MOGAT1: variants seen among roughly 807,000 people sequenced by gnomAD.
MOGAT1 encodes the protein monoacylglycerol O-acyltransferase 1, also known as 2-acylglycerol O-acyltransferase 1.
A neutral mutation model predicts 31.4 loss-of-function variants in MOGAT1; 32 were observed. The observed-to-expected ratio is 1.02, with a 90% CI of 0.77 to 1.37. The LOEUF (loss-of-function observed/expected upper bound fraction) is 1.37, where lower values mean the gene tolerates loss of function less well. Ranked by LOEUF, MOGAT1 falls within the 40% of genes most tolerant of loss-of-function variation. MOGAT1 has a pLI of 0.00. For missense variants in MOGAT1, 426 were observed against 402.0 expected, an observed-to-expected ratio of 1.06 and a Z score of -0.51; for synonymous variants, 145 against 144.5, an observed-to-expected ratio of 1.00 and a Z score of -0.03.
At chr2:222,698,247 T>C (rs1052607129) in intron 5 of MOGAT1, among the ~76,000 whole-genome samples, 3 of 152,230 alleles carry the variant, frequency 2.0e-5, no homozygotes, top group African/African-American at 7.2e-5. Flanking sequence ...AAGATGTTAC[T>C]TCCATGTATT....
chr2:222,709,070 A>G (rs761026465), intron 5 of MOGAT1, among the ~76,000 whole-genome samples: 20 of 152,274 alleles, frequency 1.3e-4, no homozygotes, highest in South Asian at 1.0e-3. Flanking sequence ...GGGCCTGGCC[A>G]GTCGCTCACC....
rs756626844 is a variant in MOGAT1 at position 222,695,040 on chromosome 2, T to C, written c.654-49T>C. 9.1e-6 allele frequency: 13 copies of C among 1,422,166 alleles called. No homozygotes were observed. In the African/African-American group the frequency reaches 1.6e-4, roughly 17 times the overall value. 88.1% of individuals were successfully genotyped at this position (1,422,166 alleles called of 1,614,324 possible). On this transcript the variant is annotated intron_variant, in intron 4 of 5. Transcript: ENST00000446656. ...GAGTCAGCTAAACAGAATAAATTAT[T>C]TGAATCCTTTTCATTGAAAATTCTC...
chr2:222,682,871 A>T (rs1300552249), intron 1 of MOGAT1, among the ~76,000 whole-genome samples: 1 of 152,240 alleles, frequency 6.6e-6, no homozygotes, highest in Non-Finnish European at 1.5e-5. Context: ...ATATTATACC[A>T]TTCCATTCAT....
At chr2:222,672,959 G>A (rs1279923648) in intron 1 of MOGAT1, among the ~76,000 whole-genome samples, 1 of 150,346 alleles carries the variant, frequency 6.7e-6, no homozygotes, top group Non-Finnish European at 1.5e-5. Flanking sequence ...TGTTGCCCAC[G>A]CTGGAGTGCA....
At chr2:222,683,678 G>A (rs1029078019) in intron 1 of MOGAT1, among the ~76,000 whole-genome samples, 11 of 151,444 alleles carry the variant, frequency 7.3e-5, no homozygotes, top group African/African-American at 2.4e-4. Flanking sequence ...AGTGAGCCGA[G>A]ATCACACCAC....
chr2:222,706,293 C>T (rs777988133), intron 5 of MOGAT1, among the ~76,000 whole-genome samples: 1 of 151,856 alleles, frequency 6.6e-6, no homozygotes, highest in African/African-American at 2.4e-5. Flanking sequence ...ACCAACATGA[C>T]GAAACTCTGT....
rs375650993 is a variant in MOGAT1, at chr2:222,694,448, G to A, written c.565G>A (p.Ala189Thr). ...GNISVIVLGG[A>T]KESLDAHPGK... ...CATCTCTGTCATTGTCCTTGGGGGT[G>A]CAAAAGAATCACTGGATGCTCATCC... is the stretch of plus-strand genomic sequence containing the variant. The change falls in exon 4 of 6, where the codon GCA becomes ACA. Residue 189 changes from alanine (A) to threonine (T), a missense_variant. Transcript: ENST00000446656. 3 of 1,613,754 alleles carry A rather than the reference G, an allele frequency of 1.9e-6. No homozygotes were observed. Among genetic ancestry groups the A allele is most frequent in the Non-Finnish European group, 2.5e-6 (3 of 1,179,822 alleles).
chr2:222,698,232 G>A (rs1261171253), intron 5 of MOGAT1, among the ~76,000 whole-genome samples: 1 of 152,204 alleles, frequency 6.6e-6, no homozygotes, highest in Non-Finnish European at 1.5e-5. Context: ...TGACCGTCAG[G>A]ACAAAAGATG....
intron 5 of MOGAT1, among the ~76,000 whole-genome samples, chr2:222,696,559 A>G (rs1313860762): frequency 6.6e-6 from 1 of 152,144 alleles, no homozygotes; most frequent in Non-Finnish European, 1.5e-5. Flanking sequence ...CCATTTGTAT[A>G]TCTTCTTTTC....
chr2:222,691,214 A>AT (rs1056424503), intron 3 of MOGAT1, among the ~76,000 whole-genome samples: 9 of 143,660 alleles, frequency 6.3e-5, no homozygotes, highest in South Asian at 2.1e-4. Context: ...ATTTTATTTT[A>AT]TTTTTTTTGA....
At chr2:222,677,163 A>G (rs1037337883) in intron 1 of MOGAT1, among the ~76,000 whole-genome samples, 1 of 152,260 alleles carries the variant, frequency 6.6e-6, no homozygotes, top group African/African-American at 2.4e-5. Flanking sequence ...TAAAAGTTCT[A>G]CCACAGCTTC....
chr2:222,706,106 T>C (rs1693000726), intron 5 of MOGAT1, among the ~76,000 whole-genome samples: 1 of 152,214 alleles, frequency 6.6e-6, no homozygotes. Flanking sequence ...GCTCCTCACT[T>C]TTCCTACAAC....
intron 5 of MOGAT1, among the ~76,000 whole-genome samples, chr2:222,704,858 T>C (rs1339209037): frequency 6.6e-6 from 1 of 152,118 alleles, no homozygotes; most frequent in Non-Finnish European, 1.5e-5. Flanking sequence ...AATTGAATGT[T>C]GGGCCTAAGG....
intron 5 of MOGAT1, among the ~76,000 whole-genome samples, chr2:222,707,322 G>GGAGA (rs2106046970): frequency 7.5e-6 from 1 of 133,856 alleles, no homozygotes; most frequent in East Asian, 2.1e-4. Context: ...AAGGAAGGAA[G>GGAGA]GAGAAAGAAA....
rs58396282 is a variant in MOGAT1, at chr2:222,672,889, TTTATTA to T, written c.94+1042_94+1047del. On this transcript the variant is annotated intron_variant, in intron 1 of 5. Coordinates refer to ENST00000446656, the MANE Select transcript of MOGAT1 (RefSeq NM_058165.3). ...TGCCCAGGCTCCATCCTGGAATTTG[TTTATTA>T]TTATTATTATTATTATTATTATTAT... is the stretch of plus-strand genomic sequence containing the variant. Among the ~76,000 whole-genome samples the T allele has an allele frequency of 1.7e-3, 240 of 139,210 alleles. 1 individual carries two copies. Among genetic ancestry groups the T allele is most frequent in the Middle Eastern group, 7.4e-3 (2 of 270 alleles). 91.3% of individuals were successfully genotyped at this position (139,210 alleles called of 152,430 possible). A position where few individuals can be genotyped will look rare whatever the true frequency, so the allele number is the denominator to read the frequency against.
In MOGAT1 at chr2:222,706,051, G is replaced by A. The variant is rs188488836; in HGVS notation, c.854-3685G>A. ...GGGGCAGGAATGCTGGGTTTAAGTC[G>A]TATTAATTTCCTGGGCTTTTTTGAG... On this transcript the variant is annotated intron_variant, in intron 5 of 5. Transcript: ENST00000446656. Among the ~76,000 whole-genome samples the A allele has an allele frequency of 4.0e-3, 616 of 152,304 alleles. 3 individuals are homozygous for A. The highest frequency in any genetic ancestry group is 0.014 in the African/African-American group (576 of 41,570).
chr2:222,707,320 A>G (rs903912269), intron 5 of MOGAT1, among the ~76,000 whole-genome samples: 1 of 147,396 alleles, frequency 6.8e-6, no homozygotes, highest in Non-Finnish European at 1.5e-5. Context: ...GGAAGGAAGG[A>G]AGGAGAAAGA....
At position 222,688,405 on chromosome 2, in the gene MOGAT1, C is replaced by A. The variant is rs1257398835; in HGVS notation, c.156C>A (p.Ile52=). The A allele has an allele frequency of 6.2e-7, 1 of 1,613,316 alleles. No homozygotes were observed. The highest frequency in any genetic ancestry group is 2.2e-5 in the East Asian group (1 of 44,888). ...TACACAACTATTTGTTCCTTTACAT[C>A]CCTTATTTGATGTGGCTTTACTTTG... The part of the protein sequence containing the change: ...LIIHNYLFLY[I]PYLMWLYFDW... Residue 52 remains isoleucine (I), a synonymous_variant, in exon 2 of 6, where the codon ATC becomes ATA. Transcript: ENST00000446656.
chr2:222,704,821 T>G (rs1692981286), intron 5 of MOGAT1, among the ~76,000 whole-genome samples: 1 of 152,044 alleles, frequency 6.6e-6, no homozygotes, highest in African/African-American at 2.4e-5. Flanking sequence ...ATTCATCAGG[T>G]CTTTGATGCA....
Sources: gnomAD v4.1 joint callset for allele counts (sites outside exome capture counted in the v4.1 genomes callset) on GRCh38, gnomAD v4.1.1 for gene constraint, MANE v1.5 for transcripts, NCBI Gene and HGNC (gene_info 2026-07-23, HGNC 2026-07-21) for gene names.